Variants in CFAP46 observed in about 807,000 individuals in gnomAD.
CFAP46 encodes the protein cilia and flagella associated protein 46.
CFAP46 carries 245 observed loss-of-function variants against 325.7 expected under a neutral mutation model. The observed-to-expected ratio is 0.75, with a 90% CI of 0.68 to 0.84. CFAP46 has a LOEUF of 0.84. Ranked by LOEUF, CFAP46 falls within the 40% of genes least tolerant of loss-of-function variation. The pLI, the probability that CFAP46 is intolerant of heterozygous loss-of-function variation, is 0.00. For missense variants in CFAP46, 3,346 were observed against 3,543.0 expected, an observed-to-expected ratio of 0.94 and a Z score of 1.41; for synonymous variants, 1,523 against 1,495.9, an observed-to-expected ratio of 1.02 and a Z score of -0.42.
At chr10:132,825,438 C>G (rs887371707) in intron 50 of CFAP46, among the ~76,000 whole-genome samples, 2 of 152,122 alleles carry the variant, frequency 1.3e-5, no homozygotes, top group African/African-American at 4.8e-5. Flanking sequence ...GCAGGAGGAG[C>G]CTTTGGGAGG....
In CFAP46 at chr10:132,810,931, G is replaced by A. The variant is rs1457301625; in HGVS notation, c.7583+19C>T. 1.0e-5 allele frequency: 16 copies of A among 1,576,574 alleles called. No individual in the cohort carries two copies. The highest frequency in any genetic ancestry group is 1.7e-4 in the Middle Eastern group (1 of 6,022). On this transcript the variant is annotated intron_variant, in intron 56 of 57. Transcript: ENST00000368586. ...CCATCCTCAGCATCCCTGCCCACCCGTTCCAGGCAGCCAGGCACCTCCTGT... is the reference window on the plus strand; with the variant it reads ...CCATCCTCAGCATCCCTGCCCACCCATTCCAGGCAGCCAGGCACCTCCTGT...
chr10:132,919,348 T>C lies in CFAP46; in HGVS notation c.1825A>G (p.Asn609Asp). Reference sequence around the variant, plus strand: ...AGCCTCAACTTCTTCACCTTGACGTTGTCATACAGGAGGCAGAAGCGGCTC... The same window carrying C: ...AGCCTCAACTTCTTCACCTTGACGTCGTCATACAGGAGGCAGAAGCGGCTC... ...TASRFCLLYD[N>D]VKVKKLRLRR... The change falls in exon 15 of 58, where the codon AAC becomes GAC. Residue 609 changes from asparagine (N) to aspartate (D), a missense_variant. Transcript: ENST00000368586. The surrounding 1 kb of genome is among the most constrained non-coding windows in gnomAD (Gnocchi z 9.7). 6.5e-7 allele frequency: 1 copy of C among 1,550,114 alleles called. No individual in the cohort carries two copies. Among genetic ancestry groups the C allele is most frequent in the South Asian group, 1.2e-5 (1 of 84,040 alleles).
chr10:132,887,526 TCTCTC>T (rs1378863465), intron 25 of CFAP46, among the ~76,000 whole-genome samples: 5 of 90,104 alleles, frequency 5.5e-5, no homozygotes, highest in East Asian at 7.6e-4. Flanking sequence ...TCTCCTCTCC[TCTCTC>T]CTCTCCCCTC....
chr10:132,919,130 G>A lies in CFAP46; in HGVS notation c.1858+185C>T, dbSNP rs1849681210. Among the ~76,000 whole-genome samples, 1 of 152,238 alleles carries A rather than the reference G, an allele frequency of 6.6e-6. No individual in the cohort carries two copies. Among genetic ancestry groups the A allele is most frequent in the Non-Finnish European group, 1.5e-5 (1 of 68,050 alleles). On this transcript the variant is annotated intron_variant, in intron 15 of 57. Coordinates refer to ENST00000368586, the MANE Select transcript of CFAP46 (RefSeq NM_001200049.3). This position sits in a 1 kb window ranked among gnomAD's most constrained non-coding sequence, Gnocchi z 9.7. ...GCTCGTGGCTCGGCCGACACAGCCA[G>A]ATGTGGCCGCCGCCCCATGATTGGC...
At chr10:132,932,075 C>T (rs1849917278) in intron 8 of CFAP46, among the ~76,000 whole-genome samples, 1 of 145,738 alleles carries the variant, frequency 6.9e-6, no homozygotes, top group African/African-American at 2.6e-5. Flanking sequence ...CACACAGAGC[C>T]TGGACCTTCA....
Position 132,906,397 on chromosome 10 carries a change from G to A in CFAP46, c.2924+2071C>T, listed in dbSNP as rs1031879358. On this transcript the variant is annotated intron_variant, in intron 22 of 57. Coordinates refer to ENST00000368586, the MANE Select transcript of CFAP46 (RefSeq NM_001200049.3). ...CTTGGCCTCTGCCTGCCCATTTCCT[G>A]CTCTAGAGCCTGGGAACAGTAGTGC... Among the ~76,000 whole-genome samples, 11 of 152,262 alleles carry A rather than the reference G, an allele frequency of 7.2e-5. 1 individual carries two copies. Among genetic ancestry groups the A allele is most frequent in the Admixed American group, 2.6e-4 (4 of 15,290 alleles).
At position 132,850,260 on chromosome 10, in the gene CFAP46, C is replaced by T; in HGVS notation, c.5936G>A (p.Trp1979Ter). The T allele has an allele frequency of 6.4e-7, 1 of 1,550,770 alleles. No individual in the cohort carries two copies. Among genetic ancestry groups the T allele is most frequent in the Non-Finnish European group, 8.7e-7 (1 of 1,146,894 alleles). Reference sequence around the variant, plus strand: ...AGCACCTACCGAGGGGCCCGCCTCCCAGTAGCAGGTAGGGTGCACAGGGTC... The same window carrying T: ...AGCACCTACCGAGGGGCCCGCCTCCTAGTAGCAGGTAGGGTGCACAGGGTC... ...QADPVHPTCY[W>*]EAGPSVGAKL... The change falls in exon 41 of 58, where the codon TGG (tryptophan) becomes TAG (stop). Residue 1979 changes from tryptophan to a stop codon, truncating the protein, a stop_gained. Coordinates refer to ENST00000368586, the MANE Select transcript of CFAP46 (RefSeq NM_001200049.3). LOFTEE classifies it high-confidence loss of function.
rs1848958551 is a variant in CFAP46 at position 132,876,456 on chromosome 10, C to G, written c.4362+356G>C. Among the ~76,000 whole-genome samples the G allele has an allele frequency of 6.6e-6, 1 of 152,224 alleles. No individual in the cohort carries two copies. Among genetic ancestry groups the G allele is most frequent in the Non-Finnish European group, 1.5e-5 (1 of 68,042 alleles). On this transcript the variant is annotated intron_variant, in intron 31 of 57. Coordinates refer to ENST00000368586, the MANE Select transcript of CFAP46 (RefSeq NM_001200049.3). The surrounding 1 kb of genome is among the most constrained non-coding windows in gnomAD (Gnocchi z 4.1). ...TTTGGAGGGTGTGCCACCCTCCCGA[C>G]ACCTGGATTTGAGCCCAGGGACACT... is the stretch of plus-strand genomic sequence containing the variant.
At chr10:132,932,590 G>GCGGCTGCCTCCTCCC (rs1439495131) in intron 8 of CFAP46, among the ~76,000 whole-genome samples, 1 of 148,052 alleles carries the variant, frequency 6.8e-6, no homozygotes, top group African/African-American at 2.5e-5. Context: ...CATAGATCCT[G>GCGGCTGCCTCCTCCC]CAGCTTCCTC....
intron 54 of CFAP46, among the ~76,000 whole-genome samples, chr10:132,813,934 C>G: frequency 6.6e-6 from 1 of 152,346 alleles, no homozygotes; most frequent in South Asian, 2.1e-4. Context: ...ATCAGTGACC[C>G]TGGGGGCCCC....
At chr10:132,866,582 G>A (rs889772963) in intron 34 of CFAP46, among the ~76,000 whole-genome samples, 1 of 152,152 alleles carries the variant, frequency 6.6e-6, no homozygotes, top group Admixed American at 6.5e-5. Context: ...GGCGCCCCGG[G>A]TGTGGGCCGG....
chr10:132,839,906 T>C (rs1183078231), intron 44 of CFAP46, among the ~76,000 whole-genome samples: 1 of 152,194 alleles, frequency 6.6e-6, no homozygotes, highest in Non-Finnish European at 1.5e-5. Flanking sequence ...TTTGTTAGGA[T>C]TTTTGTGTAT....
chr10:132,906,316 G>A (rs898509273), intron 22 of CFAP46, among the ~76,000 whole-genome samples: 1 of 152,246 alleles, frequency 6.6e-6, no homozygotes, highest in South Asian at 2.1e-4. Context: ...ATAGCCCATC[G>A]CCTGGGTTCA....
chr10:132,913,929 C>T (rs956619565), intron 17 of CFAP46, among the ~76,000 whole-genome samples: 5 of 152,126 alleles, frequency 3.3e-5, no homozygotes, highest in Admixed American at 3.3e-4. Flanking sequence ...TCCTCATCCT[C>T]CCTGGACACC....
At position 132,919,486 on chromosome 10, in the gene CFAP46, T is replaced by C; in HGVS notation, c.1731-44A>G. On this transcript the variant is annotated intron_variant, in intron 14 of 57. Transcript: ENST00000368586. This position sits in a 1 kb window ranked among gnomAD's most constrained non-coding sequence, Gnocchi z 9.7. ...AACGAGTGAAAGGTGAGTAGACAAGTGTGGTTGCTGAAGTTAGAAAACACC... is the reference window on the plus strand; with the variant it reads ...AACGAGTGAAAGGTGAGTAGACAAGCGTGGTTGCTGAAGTTAGAAAACACC... 5 of 1,516,486 alleles carry C rather than the reference T, an allele frequency of 3.3e-6. No homozygotes were observed. The highest frequency in any genetic ancestry group is 1.4e-5 in the African/African-American group (1 of 71,314). The allele number at this position is 1,516,486 out of a possible 1,614,324, so 93.9% of individuals were successfully genotyped here.
chr10:132,893,176 G>A (rs1849277344), intron 24 of CFAP46, among the ~76,000 whole-genome samples: 1 of 152,186 alleles, frequency 6.6e-6, no homozygotes, highest in Non-Finnish European at 1.5e-5. Context: ...CACCTCAACT[G>A]AGCACGTGCA....
Position 132,832,398 on chromosome 10 carries a change from C to CACCCCG in CFAP46, c.7117+959_7117+960insCGGGGT, listed in dbSNP as rs1554876284. Among the ~76,000 whole-genome samples the CACCCCG allele has an allele frequency of 2.3e-5, 3 of 132,906 alleles. No individual in the cohort carries two copies. Among genetic ancestry groups the CACCCCG allele is most frequent in the Non-Finnish European group, 4.9e-5 (3 of 61,430 alleles). 87.2% of individuals were successfully genotyped at this position (132,906 alleles called of 152,430 possible). A position where few individuals can be genotyped will look rare whatever the true frequency, so the allele number is the denominator to read the frequency against. ...CCCTGGGCTCTTCCTGCCCCCCCCC[C>CACCCCG]CCAATGCTGTGGCCTGGAAATTCCC... On this transcript the variant is annotated intron_variant, in intron 50 of 57. Transcript: ENST00000368586. The surrounding 1 kb of genome is among the most constrained non-coding windows in gnomAD (Gnocchi z 4.1).
intron 2 of CFAP46, 27 bp downstream of exon 2, chr10:132,941,953 T>C: frequency 6.4e-7 from 1 of 1,550,900 alleles, no homozygotes; most frequent in Non-Finnish European, 8.7e-7. Flanking sequence ...AAAGCTGCCC[T>C]GACCGAGGAT....
chr10:132,892,531 T>C, intron 24 of CFAP46, 114 bp from the exon 25 acceptor site: 1 of 912,482 alleles, frequency 1.1e-6, no homozygotes, highest in Non-Finnish European at 1.7e-6. Context: ...AACTGCTTGC[T>C]ATTGCCATAA....
Sources: allele counts gnomAD v4.1 joint callset (sites outside exome capture counted in the v4.1 genomes callset), GRCh38; gene constraint gnomAD v4.1.1; non-coding constraint Gnocchi (gnomAD v3.1); transcripts MANE v1.5; gene names NCBI Gene and HGNC (gene_info 2026-07-23, HGNC 2026-07-21).